Variants in ZNF491 observed in about 807,000 individuals in gnomAD.
ZNF491 encodes zinc finger protein 491.
A neutral mutation model predicts 34.7 loss-of-function variants in ZNF491; 22 were observed. That is an observed-to-expected ratio of 0.63 (90% CI 0.45 to 0.90). The LOEUF is 0.90. Ranked by LOEUF, ZNF491 falls within the 40% of genes least tolerant of loss-of-function variation. The probability of loss-of-function intolerance (pLI) is 0.00; values close to 1 mark genes in which losing one functional copy is unlikely to be tolerated. For missense variants in ZNF491, 559 were observed against 531.7 expected (o/e 1.05, Z -0.51); for synonymous variants, 148 against 174.3 (o/e 0.85, Z 1.19).
Position 11,806,778 on chromosome 19 carries a change from A to G in ZNF491, c.825A>G (p.Ile275Met), listed in dbSNP as rs771509815. 17 of 1,612,572 alleles carry G rather than the reference A, an allele frequency of 1.1e-5. No homozygotes were observed. In the East Asian group the frequency reaches 3.6e-4, roughly 34 times the overall value. Reference protein sequence around the residue: ...HTGERPHKCKICGKAFYSPSS... With the variant: ...HTGERPHKCKMCGKAFYSPSS... ...GAGAGAGGCCTCATAAATGTAAGATATGTGGGAAAGCCTTTTACTCTCCCA... is the reference window on the plus strand; with the variant it reads ...GAGAGAGGCCTCATAAATGTAAGATGTGTGGGAAAGCCTTTTACTCTCCCA... Residue 275 changes from isoleucine to methionine, a missense_variant, in exon 3 of 3, where the codon ATA becomes ATG. By Grantham distance (10) the Ile-to-Met change is conservative. Transcript: ENST00000323169.
rs997991638 is a variant in ZNF491 at position 11,806,552 on chromosome 19, G to T, written c.599G>T (p.Ser200Ile). The part of the protein sequence containing the change: ...KECGKSFNFS[S>I]SFRRHERTHT... ...TGTGGGAAATCATTCAATTTTTCCA[G>T]TTCCTTTCGCAGACATGAAAGGACA... is the stretch of plus-strand genomic sequence containing the variant. The change falls in exon 3 of 3, where the codon AGT becomes ATT. Residue 200 changes from serine to isoleucine, a missense_variant. Transcript: ENST00000323169. 4 of 1,613,900 alleles carry T rather than the reference G, an allele frequency of 2.5e-6. No individual in the cohort carries two copies. The African/African-American group carries it at 5.3e-5, about 22-fold the overall frequency.
chr19:11,806,665 A>G lies in ZNF491; in HGVS notation c.712A>G (p.Thr238Ala), dbSNP rs1276443873. The G allele has an allele frequency of 6.2e-7, 1 of 1,613,474 alleles. No homozygotes were observed. The highest frequency in any genetic ancestry group is 1.7e-5 in the Admixed American group (1 of 59,854). Residue 238 changes from threonine to alanine, a missense_variant, in exon 3 of 3, where the codon ACA becomes GCA. Coordinates refer to ENST00000323169, the MANE Select transcript of ZNF491 (RefSeq NM_152356.4). ...TTTTCACAGGCATGAAAGGACTCACACAGGAGAAAAACCCTATGAATGTAA... is the reference window on the plus strand; with the variant it reads ...TTTTCACAGGCATGAAAGGACTCACGCAGGAGAAAAACCCTATGAATGTAA... ...SSFHRHERTH[T>A]GEKPYECKLY...
chr19:11,807,451 C>A lies in ZNF491; in HGVS notation c.*184C>A. 2.1e-6 allele frequency: 1 copy of A among 476,970 alleles called. No homozygotes were observed. The highest frequency in any genetic ancestry group is 3.7e-6 in the Non-Finnish European group (1 of 268,636). 29.5% of individuals were successfully genotyped at this position (476,970 alleles called of 1,614,324 possible). On this transcript the variant is annotated 3_prime_UTR_variant, in exon 3 of 3. Coordinates refer to ENST00000323169, the MANE Select transcript of ZNF491 (RefSeq NM_152356.4). ...TGGGATTCACTGGTGGCCTATCTTACATATGATTTCGAAGGCAGACATGAG... is the reference window on the plus strand; with the variant it reads ...TGGGATTCACTGGTGGCCTATCTTAAATATGATTTCGAAGGCAGACATGAG...
chr19:11,805,962 G>C lies in ZNF491; in HGVS notation c.9G>C (p.Glu3Asp). The C allele has an allele frequency of 6.4e-7, 1 of 1,565,798 alleles. No individual in the cohort carries two copies. Among genetic ancestry groups the C allele is most frequent in the South Asian group, 1.2e-5 (1 of 82,028 alleles). MG[E>D]RLFESAEGSQ... The stretch of plus-strand genomic sequence containing the variant: ...TTTTTCACAGAAATTTTATGGGAGA[G>C]AGACTCTTTGAGAGTGCAGAAGGTA... Residue 3 changes from glutamate (E) to aspartate (D), a missense_variant, in exon 3 of 3, where the codon GAG becomes GAC. Transcript: ENST00000323169.
chr19:11,805,934 G>A lies in ZNF491; in HGVS notation c.-7-13G>A, dbSNP rs200059400. 3.7e-5 allele frequency: 57 copies of A among 1,532,214 alleles called. No homozygotes were observed. The highest frequency in any genetic ancestry group is 7.0e-6 in the Non-Finnish European group (8 of 1,141,582). 94.9% of individuals were successfully genotyped at this position (1,532,214 alleles called of 1,614,324 possible). A position where few individuals can be genotyped will look rare whatever the true frequency, so the allele number is the denominator to read the frequency against. ...AAACAGACCCTTAATTATGTGCTTG[G>A]CATTTTTCACAGAAATTTTATGGGA... On this transcript the variant is annotated splice_polypyrimidine_tract_variant and intron_variant, in intron 2 of 2. Transcript: ENST00000323169.
chr19:11,799,477 C>A, intron 1 of ZNF491, among the ~76,000 whole-genome samples: 1 of 112,406 alleles, frequency 8.9e-6, no homozygotes, highest in Admixed American at 8.6e-5. Context: ...GTTTGGCCCG[C>A]CCCCCTCCCC....
rs1159650811 is a variant in ZNF491 at position 11,806,412 on chromosome 19, C to T, written c.459C>T (p.His153=). Reference sequence around the variant, plus strand: ...TATACCTTACCCATGAACGAACTCACACTGGAGAGAAACGATATGAATGTA... The same window carrying T: ...TATACCTTACCCATGAACGAACTCATACTGGAGAGAAACGATATGAATGTA... ...LSLYLTHERT[H]TGEKRYECKQ... The change falls in exon 3 of 3, where the codon CAC becomes CAT. Residue 153 remains histidine, a synonymous_variant. Coordinates refer to ENST00000323169, the MANE Select transcript of ZNF491 (RefSeq NM_152356.4). The T allele has an allele frequency of 9.3e-6, 15 of 1,613,254 alleles. No homozygotes were observed. Among genetic ancestry groups the T allele is most frequent in the Non-Finnish European group, 1.3e-5 (15 of 1,179,716 alleles).
chr19:11,802,918 T>C (rs1975571366), intron 1 of ZNF491, among the ~76,000 whole-genome samples: 1 of 152,086 alleles, frequency 6.6e-6, no homozygotes. Flanking sequence ...CAGAGAGACA[T>C]TGGGGTACCT....
Position 11,806,680 on chromosome 19 carries a change from T to A in ZNF491, c.727T>A (p.Tyr243Asn). Residue 243 changes from tyrosine to asparagine, a missense_variant, in exon 3 of 3, where the codon TAT (tyrosine) becomes AAT (asparagine). Tyr to Asn is a moderately radical substitution (Grantham distance 143). Transcript: ENST00000323169. ...HERTHTGEKPYECKLYGKALS... is the reference protein window; with the variant it reads ...HERTHTGEKPNECKLYGKALS... ...AAGGACTCACACAGGAGAAAAACCC[T>A]ATGAATGTAAACTATATGGGAAAGC... 1.9e-6 allele frequency: 3 copies of A among 1,613,344 alleles called. No individual in the cohort carries two copies. Among genetic ancestry groups the A allele is most frequent in the Non-Finnish European group, 2.5e-6 (3 of 1,179,762 alleles).
chr19:11,804,666 A>T lies in ZNF491; in HGVS notation c.-9A>T. The T allele has an allele frequency of 7.5e-7, 1 of 1,328,658 alleles. No homozygotes were observed. The highest frequency in any genetic ancestry group is 9.8e-7 in the Non-Finnish European group (1 of 1,015,736). 82.3% of individuals were successfully genotyped at this position (1,328,658 alleles called of 1,614,324 possible). ...AAACCTTCACGAACCTCATCTGTAT[A>T]GGTAGGGGTGACAATATTACCTCCC... On this transcript the variant is annotated splice_region_variant and 5_prime_UTR_variant, in exon 2 of 3. Coordinates refer to ENST00000323169, the MANE Select transcript of ZNF491 (RefSeq NM_152356.4).
intron 1 of ZNF491, among the ~76,000 whole-genome samples, chr19:11,804,303 A>G (rs940500491): frequency 2.0e-5 from 3 of 151,088 alleles, no homozygotes; most frequent in Non-Finnish European, 4.4e-5. Flanking sequence ...CTGTGTCCTC[A>G]CGTGGCAGAA....
At chr19:11,800,289 A>T (rs1324078783) in intron 1 of ZNF491, among the ~76,000 whole-genome samples, 2 of 151,754 alleles carry the variant, frequency 1.3e-5, no homozygotes, top group African/African-American at 4.8e-5. Context: ...AGTTTTTGGG[A>T]CCCCTCTCCC....
At position 11,807,143 on chromosome 19, in the gene ZNF491, A is replaced by G. The variant is rs145133965; in HGVS notation, c.1190A>G (p.Tyr397Cys). 2.2e-3 allele frequency: 3,532 copies of G among 1,610,596 alleles called. 6 individuals are homozygous for G. The highest frequency in any genetic ancestry group is 4.5e-3 in the Middle Eastern group (27 of 6,040). The change falls in exon 3 of 3, where the codon TAT (tyrosine) becomes TGT (cysteine). Residue 397 changes from tyrosine (Y) to cysteine (C), a missense_variant. Coordinates refer to ENST00000323169, the MANE Select transcript of ZNF491 (RefSeq NM_152356.4). Reference protein sequence around the residue: ...HCGKAFTCSIYIRIHERIHTG... With the variant: ...HCGKAFTCSICIRIHERIHTG... ...GGGAAAGCCTTCACTTGTTCCATAT[A>G]TATTAGAATACATGAAAGAATTCAC...
In ZNF491 at chr19:11,806,488, A is replaced by C. The variant is rs750693316; in HGVS notation, c.535A>C (p.Arg179=). ...GCACAGTTCTGTTCGAATCCATGAAAGAACTCACACTGGGGAGAAGCCATA... is the reference window on the plus strand; with the variant it reads ...GCACAGTTCTGTTCGAATCCATGAACGAACTCACACTGGGGAGAAGCCATA... ...SWHSSVRIHE[R]THTGEKPYEC... The change falls in exon 3 of 3, where the codon AGA becomes CGA. Residue 179 remains arginine, a synonymous_variant. Transcript: ENST00000323169. 153 of 1,613,894 alleles carry C rather than the reference A, an allele frequency of 9.5e-5. No homozygotes were observed. Among genetic ancestry groups the C allele is most frequent in the Non-Finnish European group, 1.3e-4 (150 of 1,179,968 alleles).
chr19:11,807,710 T>G lies in ZNF491; in HGVS notation c.*443T>G, dbSNP rs1975633834. 5.9e-6 allele frequency: 1 copy of G among 170,006 alleles called. No homozygotes were observed. The highest frequency in any genetic ancestry group is 6.4e-5 in the Admixed American group (1 of 15,528). 10.5% of individuals were successfully genotyped at this position (170,006 alleles called of 1,614,324 possible). On this transcript the variant is annotated 3_prime_UTR_variant, in exon 3 of 3. Transcript: ENST00000323169. ...TATTGTAATGTACATACCAGAGAGA[T>G]AATGCAGACTGTCATGGGTGGGGAA...
At position 11,808,381 on chromosome 19, in the gene ZNF491, CAAAA is replaced by C. The variant is rs768757224; in HGVS notation, c.*1126_*1129del. ...TGGACAAGAGAGCAATACTCTGTCT[CAAAA>C]AAAAAAAAAAAGGTTTATTCACTGT... On this transcript the variant is annotated 3_prime_UTR_variant, in exon 3 of 3. Coordinates refer to ENST00000323169, the MANE Select transcript of ZNF491 (RefSeq NM_152356.4). Among the ~76,000 whole-genome samples the C allele has an allele frequency of 9.9e-6, 1 of 101,370 alleles. No homozygotes were observed. Among genetic ancestry groups the C allele is most frequent in the African/African-American group, 3.7e-5 (1 of 26,926 alleles). The allele number at this position is 101,370 out of a possible 152,430, so 66.5% of individuals were successfully genotyped here.
intron 1 of ZNF491, among the ~76,000 whole-genome samples, chr19:11,802,976 TA>T (rs1317050923): frequency 6.6e-6 from 1 of 151,314 alleles, no homozygotes; most frequent in African/African-American, 2.4e-5. Context: ...GACATTTTCC[TA>T]TTCTTTTTTT....
intron 1 of ZNF491, among the ~76,000 whole-genome samples, chr19:11,802,046 T>C (rs1315168641): frequency 6.6e-6 from 1 of 152,208 alleles, no homozygotes; most frequent in East Asian, 1.9e-4. Context: ...CTCAAATTCC[T>C]GGGCTCAATT....
Position 11,807,575 on chromosome 19 carries a change from G to C in ZNF491, c.*308G>C, listed in dbSNP as rs1209131801. 1.0e-5 allele frequency: 3 copies of C among 296,920 alleles called. No individual in the cohort carries two copies. Among genetic ancestry groups the C allele is most frequent in the African/African-American group, 2.2e-5 (1 of 45,758 alleles). 18.4% of individuals were successfully genotyped at this position (296,920 alleles called of 1,614,324 possible). A position where few individuals can be genotyped will look rare whatever the true frequency, so the allele number is the denominator to read the frequency against. On this transcript the variant is annotated 3_prime_UTR_variant, in exon 3 of 3. Transcript: ENST00000323169. ...CCTGATTCTCTGGCTTGTCAATCAA[G>C]AGTATCCTCCAAATCTCTTGACTTT...
Sources: allele counts gnomAD v4.1 joint callset (sites outside exome capture counted in the v4.1 genomes callset), GRCh38; gene constraint gnomAD v4.1.1; transcripts MANE v1.5; gene names NCBI Gene and HGNC (gene_info 2026-07-23, HGNC 2026-07-21).